SMAP1: variants seen among roughly 807,000 people sequenced by gnomAD.
SMAP1 encodes small ArfGAP 1, also known as stromal membrane-associated protein 1.
Under a neutral mutation model 58.5 loss-of-function variants are expected in SMAP1, and 24 were observed. That is an observed-to-expected ratio of 0.41 (90% confidence interval 0.30 to 0.58). The LOEUF (loss-of-function observed/expected upper bound fraction) is 0.58, where lower values mean the gene tolerates loss of function less well. Among genes scored for constraint, SMAP1 ranks in the 20% least tolerant of loss-of-function variants. SMAP1 has a pLI of 0.29. For missense variants in SMAP1, 563 were observed against 566.3 expected (o/e 0.99, Z 0.06); for synonymous variants, 216 against 196.6 (o/e 1.10, Z -0.82).
intron 7 of SMAP1, among the ~76,000 whole-genome samples, chr6:70,837,340 TTC>T (rs1042196240): frequency 6.6e-6 from 1 of 151,968 alleles, no homozygotes; most frequent in Non-Finnish European, 1.5e-5. Context: ...TTATTTTCTC[TTC>T]TCTCTCTCTC....
intron 4 of SMAP1, among the ~76,000 whole-genome samples, chr6:70,787,871 C>T (rs942117092): frequency 2.0e-5 from 3 of 151,770 alleles, no homozygotes; most frequent in African/African-American, 2.4e-5. Flanking sequence ...ACTAGTTCAA[C>T]CATTGTGGAA....
chr6:70,709,628 A>G (rs1203746674), intron 1 of SMAP1, among the ~76,000 whole-genome samples: 1 of 152,184 alleles, frequency 6.6e-6, no homozygotes, highest in Non-Finnish European at 1.5e-5. Context: ...ATCCTATAAT[A>G]TGATTTGAAA....
chr6:70,791,896 A>G, intron 5 of SMAP1, 127 bp downstream of exon 5: 1 of 687,622 alleles, frequency 1.5e-6, no homozygotes, highest in Non-Finnish European at 2.2e-6. Context: ...GAATTAAAAC[A>G]GCAATTTCTA....
intron 4 of SMAP1, among the ~76,000 whole-genome samples, chr6:70,787,947 T>C (rs1768139116): frequency 6.6e-6 from 1 of 152,212 alleles, no homozygotes; most frequent in South Asian, 2.1e-4. Flanking sequence ...ATCCCATTAC[T>C]GGGTATATAC....
In SMAP1 at chr6:70,792,156, A is replaced by G. The variant is rs186134677; in HGVS notation, c.495+387A>G. On this transcript the variant is annotated intron_variant, in intron 5 of 10. Transcript: ENST00000370455. ...TTCTTTTTTTTAAGCAATAGTAAAC[A>G]TCATACAGATAAAACGTGTATTATG... Among the ~76,000 whole-genome samples the G allele has an allele frequency of 4.5e-4, 69 of 152,330 alleles. 1 individual carries two copies. Among genetic ancestry groups the G allele is most frequent in the Admixed American group, 3.8e-3 (58 of 15,298 alleles).
chr6:70,786,722 A>C (rs1026612797), intron 4 of SMAP1, among the ~76,000 whole-genome samples: 2 of 152,202 alleles, frequency 1.3e-5, no homozygotes, highest in Admixed American at 6.5e-5. Context: ...CAAGAGAATA[A>C]AATACCTACA....
chr6:70,769,426 C>G (rs555728541), intron 3 of SMAP1, among the ~76,000 whole-genome samples: 71 of 152,256 alleles, frequency 4.7e-4, no homozygotes, highest in African/African-American at 1.6e-3. Context: ...CTTTATGAAT[C>G]TGGGTGCTCC....
chr6:70,772,841 A>G (rs1030406768), intron 3 of SMAP1: 2 of 152,646 alleles, frequency 1.3e-5, no homozygotes, highest in Admixed American at 1.3e-4. Flanking sequence ...AGATGTTGGA[A>G]TCACAAGTGC....
At chr6:70,713,925 G>A (rs749965575) in intron 1 of SMAP1, among the ~76,000 whole-genome samples, 2 of 152,164 alleles carry the variant, frequency 1.3e-5, no homozygotes, top group African/African-American at 2.4e-5. Context: ...GTGCTCTGAT[G>A]TTGGGTGTGT....
At chr6:70,784,736 T>A (rs1481770531) in intron 4 of SMAP1, among the ~76,000 whole-genome samples, 2 of 152,138 alleles carry the variant, frequency 1.3e-5, no homozygotes, top group Non-Finnish European at 2.9e-5. Context: ...AGGGATCAAT[T>A]CAACAAGAAG....
rs183394495 is a variant in SMAP1 at position 70,708,825 on chromosome 6, T to C, written c.119-23553T>C. Among the ~76,000 whole-genome samples the C allele has an allele frequency of 1.8e-4, 27 of 152,310 alleles. No homozygotes were observed. The East Asian group carries it at 5.0e-3, about 28-fold the overall frequency. ...TTAAGTAAGTGTTTTTTTGGTTTTG[T>C]TTTTTGCTAGTAAGTTTTAAAAAAA... is the stretch of plus-strand genomic sequence containing the variant. On this transcript the variant is annotated intron_variant, in intron 1 of 10. Transcript: ENST00000370455.
At chr6:70,711,549 CAG>C (rs1176569945) in intron 1 of SMAP1, among the ~76,000 whole-genome samples, 2 of 145,690 alleles carry the variant, frequency 1.4e-5, no homozygotes, top group Non-Finnish European at 3.0e-5. Context: ...TTTTTTGAGA[CAG>C]AGTTTCACTC....
intron 6 of SMAP1, among the ~76,000 whole-genome samples, chr6:70,827,666 A>T (rs1770191747): frequency 6.6e-6 from 1 of 152,214 alleles, no homozygotes; most frequent in African/African-American, 2.4e-5. Flanking sequence ...TGTAAGAGAG[A>T]TGTTACAGTA....
intron 6 of SMAP1, among the ~76,000 whole-genome samples, chr6:70,820,507 C>T (rs917896707): frequency 8.6e-5 from 13 of 152,014 alleles, no homozygotes; most frequent in East Asian, 5.8e-4. Context: ...GTCAGGAGAT[C>T]GAGACCATCC....
chr6:70,812,877 G>A (rs922158322), intron 6 of SMAP1, among the ~76,000 whole-genome samples: 11 of 152,020 alleles, frequency 7.2e-5, no homozygotes, highest in Admixed American at 7.2e-4. Context: ...CGTGCCCCCA[G>A]TGTGTCTCTC....
chr6:70,785,772 T>C (rs561361649), intron 4 of SMAP1, among the ~76,000 whole-genome samples: 1,526 of 152,320 alleles, frequency 0.01, 30 homozygotes, highest in African/African-American at 0.034. Flanking sequence ...ACTCTCTGAA[T>C]AGACCAATAA....
chr6:70,857,979 AGGGCTTTCCATCGAT>A lies in SMAP1; in HGVS notation c.1024_1038del (p.Phe342_Gly346del). 1 of 1,614,152 alleles carries A rather than the reference AGGGCTTTCCATCGAT, an allele frequency of 6.2e-7. No homozygotes were observed. Among genetic ancestry groups the A allele is most frequent in the Non-Finnish European group, 8.5e-7 (1 of 1,180,008 alleles). ...ACCTCACAAGCACCAGCTGCATTTC[AGGGCTTTCCATCGAT>A]GGGCGTGCCTGTGCCTGCAGCTCCT... On this transcript the variant is annotated inframe_deletion, in exon 10 of 11. Coordinates refer to ENST00000370455, the MANE Select transcript of SMAP1 (RefSeq NM_001044305.3).
intron 6 of SMAP1, among the ~76,000 whole-genome samples, chr6:70,802,718 G>T (rs547366313): frequency 1.3e-5 from 2 of 152,120 alleles, no homozygotes; most frequent in Non-Finnish European, 2.9e-5. Context: ...AGCATGAAGG[G>T]CTGTTGAATT....
intron 6 of SMAP1, among the ~76,000 whole-genome samples, chr6:70,809,432 TAAC>T (rs1769293190): frequency 6.6e-6 from 1 of 152,212 alleles, no homozygotes; most frequent in African/African-American, 2.4e-5. Context: ...AAGCACAAGA[TAAC>T]AATTGCAAAT....
Sources: gnomAD v4.1 joint callset for allele counts (sites outside exome capture counted in the v4.1 genomes callset) on GRCh38, gnomAD v4.1.1 for gene constraint, MANE v1.5 for transcripts, NCBI Gene and HGNC (gene_info 2026-07-23, HGNC 2026-07-21) for gene names.